Variants in SLC25A26 observed in about 807,000 individuals in gnomAD.
The protein encoded by SLC25A26 is mitochondrial S-adenosylmethionine carrier protein.
A neutral mutation model predicts 37.8 loss-of-function variants in SLC25A26; 36 were observed. That is an observed-to-expected ratio of 0.95 (90% CI 0.73 to 1.26). SLC25A26 has a LOEUF of 1.26. Ranked by LOEUF, SLC25A26 falls within the 50% of genes most tolerant of loss-of-function variation. SLC25A26 has a pLI of 0.00. For synonymous variants in SLC25A26, 129 were observed against 122.5 expected (o/e 1.05, Z -0.35); for missense variants, 390 against 331.1 (o/e 1.18, Z -1.38).
At chr3:66,238,534 C>T (rs2072409512) in intron 2 of SLC25A26, among the ~76,000 whole-genome samples, 1 of 152,054 alleles carries the variant, frequency 6.6e-6, no homozygotes, top group Non-Finnish European at 1.5e-5. Context: ...AGGCACACGC[C>T]ACCACACCTG....
Position 66,209,474 on chromosome 3 carries a change from G to A in SLC25A26, c.-353-11268G>A, listed in dbSNP as rs967556712. Among the ~76,000 whole-genome samples the A allele has an allele frequency of 7.3e-5, 10 of 137,320 alleles. No individual in the cohort carries two copies. In the East Asian group the frequency reaches 1.8e-3, roughly 25 times the overall value. The allele number at this position is 137,320 out of a possible 152,430, so 90.1% of individuals were successfully genotyped here. A position where few individuals can be genotyped will look rare whatever the true frequency, so the allele number is the denominator to read the frequency against. ...ATATAAAGGTGTATATATATATAAAGGTGTATACATATACTTTTATATGGG... is the reference window on the plus strand; with the variant it reads ...ATATAAAGGTGTATATATATATAAAAGTGTATACATATACTTTTATATGGG... On this transcript the variant is annotated intron_variant, in intron 1 of 10. Coordinates refer to the SLC25A26 transcript ENST00000676754.
At chr3:66,250,627 G>T (rs2073045176) in intron 3 of SLC25A26, among the ~76,000 whole-genome samples, 1 of 96,372 alleles carries the variant, frequency 1.0e-5, no homozygotes, top group Non-Finnish European at 2.1e-5. Flanking sequence ...CGTAGGTTGG[G>T]GGGTATCACA....
chr3:66,253,539 A>G (rs1325094411), intron 3 of SLC25A26, among the ~76,000 whole-genome samples: 1 of 151,990 alleles, frequency 6.6e-6, no homozygotes, highest in Non-Finnish European at 1.5e-5. Flanking sequence ...CCAAAGATAG[A>G]GCGAGGGGCC....
chr3:66,358,699 C>T (rs749381644), intron 6 of SLC25A26, among the ~76,000 whole-genome samples: 1 of 152,188 alleles, frequency 6.6e-6, no homozygotes, highest in African/African-American at 2.4e-5. Context: ...ACTGTGTTAA[C>T]TAGGCTAGTC....
At chr3:66,291,163 C>T (rs188037408) in intron 5 of SLC25A26, among the ~76,000 whole-genome samples, 17 of 152,128 alleles carry the variant, frequency 1.1e-4, no homozygotes, top group East Asian at 9.7e-4. Flanking sequence ...TGGTGATATC[C>T]CCTTTATCAC....
chr3:66,209,799 C>T (rs2071251586), intron 1 of SLC25A26, among the ~76,000 whole-genome samples: 1 of 121,666 alleles, frequency 8.2e-6, no homozygotes, highest in East Asian at 2.5e-4. Context: ...ATATACACAC[C>T]TATATAAAGG....
At chr3:66,322,175 A>C (rs1427870671) in intron 5 of SLC25A26, among the ~76,000 whole-genome samples, 1 of 152,158 alleles carries the variant, frequency 6.6e-6, no homozygotes, top group Non-Finnish European at 1.5e-5. Flanking sequence ...AGGTTCTGAG[A>C]TGTTTTTGTT....
chr3:66,157,849 T>C (rs1004546435), intron 1 of SLC25A26, among the ~76,000 whole-genome samples: 5 of 152,242 alleles, frequency 3.3e-5, no homozygotes, highest in African/African-American at 1.2e-4. Context: ...AGTGCAGTGG[T>C]GCAACATGTC....
At chr3:66,200,864 C>T (rs1018927969) in intron 1 of SLC25A26, among the ~76,000 whole-genome samples, 1 of 152,110 alleles carries the variant, frequency 6.6e-6, no homozygotes. Flanking sequence ...CGAGAAAATG[C>T]CACTGAACTA....
At chr3:66,227,983 T>G (rs1576663880) in intron 1 of SLC25A26, among the ~76,000 whole-genome samples, 1 of 152,372 alleles carries the variant, frequency 6.6e-6, no homozygotes, top group East Asian at 1.9e-4. Context: ...AAGGGCATCT[T>G]TAAAGATTAT....
intron 1 of SLC25A26, among the ~76,000 whole-genome samples, chr3:66,209,975 C>CCTGAAGATG (rs2071262630): frequency 9.9e-6 from 1 of 101,062 alleles, no homozygotes; most frequent in Non-Finnish European, 1.9e-5. Flanking sequence ...GAAAGAGTAC[C>CCTGAAGATG]CTGAAGATGT....
intron 5 of SLC25A26, among the ~76,000 whole-genome samples, chr3:66,306,931 A>T (rs963402331): frequency 4.6e-5 from 7 of 152,128 alleles, no homozygotes; most frequent in Non-Finnish European, 8.8e-5. Flanking sequence ...GTTGGTTCCA[A>T]GTCTTTGGTA....
intron 5 of SLC25A26, among the ~76,000 whole-genome samples, chr3:66,312,742 G>A (rs1309937115): frequency 6.6e-6 from 1 of 152,108 alleles, no homozygotes; most frequent in African/African-American, 2.4e-5. Context: ...GGCTTCCCTT[G>A]TTTAGGGGAG....
chr3:66,351,484 T>C (rs1403208181), intron 6 of SLC25A26, among the ~76,000 whole-genome samples: 2 of 152,188 alleles, frequency 1.3e-5, no homozygotes, highest in African/African-American at 4.8e-5. Flanking sequence ...TTTTATTATC[T>C]GACAAAGACC....
chr3:66,219,278 C>A (rs1032470153), upstream of SLC25A26, among the ~76,000 whole-genome samples: 1 of 152,090 alleles, frequency 6.6e-6, no homozygotes, highest in African/African-American at 2.4e-5. Flanking sequence ...AGATTCCTGG[C>A]CCCTAATGTG....
intron 1 of SLC25A26, among the ~76,000 whole-genome samples, chr3:66,152,259 A>T (rs2070219286): frequency 6.6e-6 from 1 of 152,230 alleles, no homozygotes; most frequent in Non-Finnish European, 1.5e-5. Context: ...TGCTGGCCCA[A>T]GGGCTACACT....
In SLC25A26 at chr3:66,193,376, C is replaced by T. The variant is rs2106795611; in HGVS notation, c.-353-27366C>T. Among the ~76,000 whole-genome samples the T allele has an allele frequency of 2.0e-5, 3 of 152,208 alleles. No homozygotes were observed. In the East Asian group the frequency reaches 5.8e-4, roughly 29 times the overall value. ...TTTTTGTCAACAAATTGTTCTACTGCTTTTGTATTCTCTACAACTATCATC... is the reference window on the plus strand; with the variant it reads ...TTTTTGTCAACAAATTGTTCTACTGTTTTTGTATTCTCTACAACTATCATC... On this transcript the variant is annotated intron_variant, in intron 1 of 10. Transcript: ENST00000676754.
chr3:66,154,891 G>A lies in SLC25A26; in HGVS notation c.-354+20907G>A, dbSNP rs140772489. ...CCAATCTCATGGAATCATTTTGAAG[G>A]TAAAATCAGATAAAGTATGTATCAG... On this transcript the variant is annotated intron_variant, in intron 1 of 10. Coordinates refer to the SLC25A26 transcript ENST00000676754. 8.5e-3 allele frequency among the ~76,000 whole-genome samples: 1,293 copies of A among 152,256 alleles called. 7 individuals are homozygous for A. The highest frequency in any genetic ancestry group is 0.014 in the Non-Finnish European group (976 of 68,014).
At chr3:66,211,493 T>C (rs1423308115) in intron 1 of SLC25A26, among the ~76,000 whole-genome samples, 1 of 152,210 alleles carries the variant, frequency 6.6e-6, no homozygotes, top group Non-Finnish European at 1.5e-5. Context: ...CCTGGGGTCT[T>C]GCGGCTCTTA....
Sources: gnomAD v4.1 joint callset for allele counts (sites outside exome capture counted in the v4.1 genomes callset) on GRCh38, gnomAD v4.1.1 for gene constraint, MANE v1.5 for transcripts, NCBI Gene and HGNC (gene_info 2026-07-23, HGNC 2026-07-21) for gene names.